KDM6B: variants seen among roughly 807,000 people sequenced by gnomAD.
KDM6B encodes the protein lysine demethylase 6B.
KDM6B carries 22 observed loss-of-function variants against 150.4 expected under a neutral mutation model. That is an observed-to-expected ratio of 0.15 (90% CI 0.10 to 0.21). The LOEUF (loss-of-function observed/expected upper bound fraction) is 0.21, where lower values mean the gene tolerates loss of function less well. Ranked by LOEUF, KDM6B falls within the 10% of genes least tolerant of loss-of-function variation. The probability of loss-of-function intolerance (pLI) is 1.00; values close to 1 mark genes in which losing one functional copy is unlikely to be tolerated. For synonymous variants in KDM6B, 1,148 were observed against 921.1 expected (o/e 1.25, Z -4.46); for missense variants, 1,984 against 2,234.3 (o/e 0.89, Z 2.26).
At chr17:7,842,717 G>A (rs2078442790) in intron 2 of KDM6B, among the ~76,000 whole-genome samples, 1 of 152,064 alleles carries the variant, frequency 6.6e-6, no homozygotes, top group Non-Finnish European at 1.5e-5. Flanking sequence ...CGGTGTGTGG[G>A]CTGAGGAGTT....
chr17:7,850,978 CCT>C, intron 14 of KDM6B, 41 bp from the exon 15 acceptor site: 2 of 1,290,932 alleles, frequency 1.5e-6, no homozygotes, highest in East Asian at 1.2e-4. Context: ...CGGTCCCTAT[CCT>C]CTGCCTCTGC....
Position 7,851,421 on chromosome 17 carries a change from TC to T in KDM6B, c.3944+29del, listed in dbSNP as rs772014924. On this transcript the variant is annotated intron_variant, in intron 16 of 23. Coordinates refer to ENST00000448097, the MANE Select transcript of KDM6B (RefSeq NM_001348716.2). ...TACTGTGCAGGTGTGCCCCTTCTGT[TC>T]CTGCTTCCTTCCCCTCCCTCTGCTC... 2.5e-6 allele frequency: 4 copies of T among 1,614,098 alleles called. No individual in the cohort carries two copies. The East Asian group carries it at 8.9e-5, about 36-fold the overall frequency.
Position 7,846,064 on chromosome 17 carries a change from C to G in KDM6B, c.237-14C>G. On this transcript the variant is annotated splice_polypyrimidine_tract_variant and intron_variant, in intron 6 of 23. Coordinates refer to ENST00000448097, the MANE Select transcript of KDM6B (RefSeq NM_001348716.2). ...CCAACCCCCACCCACACCCCCACCC[C>G]TTCTGCTCTGTAGGGCGCCCACTCC... The G allele has an allele frequency of 6.3e-7, 1 of 1,583,064 alleles. No individual in the cohort carries two copies.
At chr17:7,841,774 C>T (rs2078418479) in intron 2 of KDM6B, among the ~76,000 whole-genome samples, 1 of 152,192 alleles carries the variant, frequency 6.6e-6, no homozygotes, top group Non-Finnish European at 1.5e-5. Flanking sequence ...ACCGTCACTC[C>T]TCGGTGGGGG....
chr17:7,843,204 C>T lies in KDM6B; in HGVS notation c.-268-1697C>T, dbSNP rs58527948. Among the ~76,000 whole-genome samples the T allele has an allele frequency of 0.016, 2,447 of 152,232 alleles. 58 individuals carry two copies. Among genetic ancestry groups the T allele is most frequent in the African/African-American group, 0.055 (2,297 of 41,516 alleles). On this transcript the variant is annotated intron_variant, in intron 2 of 23. Transcript: ENST00000448097. The surrounding 1 kb of genome is among the most constrained non-coding windows in gnomAD (Gnocchi z 4.5). ...CCACTTCCCAAGCAGGCATCTGCCC[C>T]TCTGTTGTCTGGTTCCCCGGCTCCC...
chr17:7,852,482 C>T lies in KDM6B; in HGVS notation c.4469-13C>T, dbSNP rs768097364. ...TGTTTGAGAGTCCTGTTGTGATCGC[C>T]TTTGGCCCGCAGCCTATCAGTACCA... is the stretch of plus-strand genomic sequence containing the variant. On this transcript the variant is annotated splice_polypyrimidine_tract_variant and intron_variant, in intron 20 of 23. Coordinates refer to ENST00000448097, the MANE Select transcript of KDM6B (RefSeq NM_001348716.2). The T allele has an allele frequency of 8.7e-6, 14 of 1,607,102 alleles. No homozygotes were observed. Among genetic ancestry groups the T allele is most frequent in the Non-Finnish European group, 1.0e-5 (12 of 1,176,966 alleles).
rs1310454698 is a variant in KDM6B, at chr17:7,843,510, T to G, written c.-268-1391T>G. On this transcript the variant is annotated intron_variant, in intron 2 of 23. Coordinates refer to ENST00000448097, the MANE Select transcript of KDM6B (RefSeq NM_001348716.2). This position sits in a 1 kb window ranked among gnomAD's most constrained non-coding sequence, Gnocchi z 4.5. Reference sequence around the variant, plus strand: ...CCATGCAAACAAACGACCTTGCCCCTTCGGGAAGGAAGGCTCTTTTCACCA... The same window carrying G: ...CCATGCAAACAAACGACCTTGCCCCGTCGGGAAGGAAGGCTCTTTTCACCA... 1.3e-5 allele frequency among the ~76,000 whole-genome samples: 2 copies of G among 152,162 alleles called. No homozygotes were observed.
chr17:7,852,452 G>A (rs963732032), intron 20 of KDM6B, 43 bp from the exon 21 acceptor site: 3 of 1,588,398 alleles, frequency 1.9e-6, no homozygotes, highest in Middle Eastern at 3.8e-4. Flanking sequence ...TAGGTGTCTG[G>A]GGGCTGTTTG....
In KDM6B at chr17:7,843,832, T is replaced by C. The variant is rs1436776907; in HGVS notation, c.-268-1069T>C. 2.0e-5 allele frequency among the ~76,000 whole-genome samples: 3 copies of C among 151,626 alleles called. No homozygotes were observed. The highest frequency in any genetic ancestry group is 2.0e-4 in the Admixed American group (3 of 15,246). On this transcript the variant is annotated intron_variant, in intron 2 of 23. Transcript: ENST00000448097. The surrounding 1 kb of genome is among the most constrained non-coding windows in gnomAD (Gnocchi z 4.5). ...GGAGGAGGCGCGGGGACGCAGCTCC[T>C]GGGCTCAGAGAGGCGAGAAGGAAGA...
At chr17:7,852,450 TG>T (rs968134733) in intron 20 of KDM6B, 44 bp from the exon 21 acceptor site, 2 of 1,579,484 alleles carry the variant, frequency 1.3e-6, no homozygotes, top group Non-Finnish European at 1.7e-6. Context: ...CCTAGGTGTC[TG>T]GGGGCTGTTT....
rs935871781 is a variant in KDM6B at position 7,854,323 on chromosome 17, A to T, written c.*802A>T. 2.0e-5 allele frequency: 3 copies of T among 149,172 alleles called. No homozygotes were observed. Among genetic ancestry groups the T allele is most frequent in the African/African-American group, 7.5e-5 (3 of 40,022 alleles). The allele number at this position is 149,172 out of a possible 1,614,324, so 9.2% of individuals were successfully genotyped here. On this transcript the variant is annotated 3_prime_UTR_variant, in exon 24 of 24. Transcript: ENST00000448097. ...TGCACTTTCTCGGACCAGTCCCCCC[A>T]CTCCCGACCCGACCCCAGCCCCACC...
At chr17:7,846,377 G>GGGGGGC in intron 7 of KDM6B, 23 bp from the exon 8 acceptor site, 2 of 1,479,502 alleles carry the variant, frequency 1.4e-6, no homozygotes, top group Non-Finnish European at 1.8e-6. Context: ...ATCTGCCCCT[G>GGGGGGC]CCCCGTGTCC....
chr17:7,845,534 C>G lies in KDM6B; in HGVS notation c.-5-16C>G. ...TTTGCCTCCAGTAAGAGCATAATTT[C>G]TTATCCCCAACTCAGGCTGGATGCA... On this transcript the variant is annotated splice_polypyrimidine_tract_variant and intron_variant, in intron 4 of 23. Coordinates refer to ENST00000448097, the MANE Select transcript of KDM6B (RefSeq NM_001348716.2). 2 of 1,614,070 alleles carry G rather than the reference C, an allele frequency of 1.2e-6. No individual in the cohort carries two copies. The highest frequency in any genetic ancestry group is 1.7e-6 in the Non-Finnish European group (2 of 1,180,018).
intron 1 of KDM6B, among the ~76,000 whole-genome samples, chr17:7,834,982 T>G (rs1221697155): frequency 6.6e-6 from 1 of 151,950 alleles, no homozygotes; most frequent in Admixed American, 6.6e-5. Flanking sequence ...CCGCACGGCT[T>G]CTCGGTGCGG....
chr17:7,836,328 G>A (rs1395219264), intron 1 of KDM6B, among the ~76,000 whole-genome samples: 1 of 152,194 alleles, frequency 6.6e-6, no homozygotes, highest in Non-Finnish European at 1.5e-5. Context: ...GTCTGTCCCT[G>A]TCTCCACTCG....
At chr17:7,850,957 G>A (rs990224137) in intron 14 of KDM6B, 64 bp from the exon 15 acceptor site, 1 of 1,418,172 alleles carries the variant, frequency 7.1e-7, no homozygotes, top group Non-Finnish European at 9.7e-7. Flanking sequence ...GGAAAGGGTC[G>A]ATTGGGTCCT....
chr17:7,852,351 C>T lies in KDM6B; in HGVS notation c.4468+15C>T, dbSNP rs775917317. 1.2e-6 allele frequency: 2 copies of T among 1,603,190 alleles called. No homozygotes were observed. The highest frequency in any genetic ancestry group is 2.2e-5 in the South Asian group (2 of 90,716). On this transcript the variant is annotated intron_variant, in intron 20 of 23. Coordinates refer to ENST00000448097, the MANE Select transcript of KDM6B (RefSeq NM_001348716.2). ...GCCCCTCACCGGTGAGAGGGTGGGG[C>T]AGGTGTTGGCGTGGTGTGGCGCCTC... is the stretch of plus-strand genomic sequence containing the variant.
intron 23 of KDM6B, 58 bp from the exon 24 acceptor site, chr17:7,853,440 G>C (rs1449995639): frequency 5.9e-6 from 9 of 1,524,106 alleles, no homozygotes; most frequent in East Asian, 2.5e-5. Flanking sequence ...CTGCAGGGAC[G>C]GGCTTCGGGA....
rs2151376090 is a variant in KDM6B at position 7,846,686 on chromosome 17, G to C, written c.657G>C (p.Gly219=). ...CTGCAGCACTCTCAGGCCCCTCAGGGGAGGAGGGCCTCAGCCCTGGAGGCA... is the reference window on the plus strand; with the variant it reads ...CTGCAGCACTCTCAGGCCCCTCAGGCGAGGAGGGCCTCAGCCCTGGAGGCA... ...VPPAALSGPS[G]EEGLSPGGKR... Residue 219 remains glycine, a synonymous_variant, in exon 9 of 24, where the codon GGG becomes GGC. Coordinates refer to ENST00000448097, the MANE Select transcript of KDM6B (RefSeq NM_001348716.2). 1 of 1,614,142 alleles carries C rather than the reference G, an allele frequency of 6.2e-7. No individual in the cohort carries two copies. Among genetic ancestry groups the C allele is most frequent in the Admixed American group, 1.7e-5 (1 of 60,026 alleles).
Sources: allele counts gnomAD v4.1 joint callset (sites outside exome capture counted in the v4.1 genomes callset), GRCh38; gene constraint gnomAD v4.1.1; non-coding constraint Gnocchi (gnomAD v3.1); transcripts MANE v1.5; gene names NCBI Gene and HGNC (gene_info 2026-07-23, HGNC 2026-07-21).